The following RNF128 variants were observed in gnomAD, a reference collection of about 807,000 sequenced individuals.
RNF128 encodes the protein ring finger protein 128, also known as E3 ubiquitin-protein ligase RNF128.
A neutral mutation model predicts 26.2 loss-of-function variants in RNF128; 13 were observed. That is an observed-to-expected ratio of 0.50 (90% CI 0.32 to 0.79). RNF128 has a LOEUF of 0.79. RNF128 is among the 30% of genes least tolerant of loss of function. The pLI, the probability that RNF128 is intolerant of heterozygous loss-of-function variation, is 0.03. For missense variants in RNF128, 315 were observed against 349.7 expected (o/e 0.90, Z 0.79); for synonymous variants, 149 against 142.5 (o/e 1.05, Z -0.32).
chrX:106,732,232 C>T (rs1217765819), intron 1 of RNF128, among the ~76,000 whole-genome samples: 2 of 111,713 alleles, frequency 1.8e-5, no homozygotes, highest in Non-Finnish European at 3.8e-5. Flanking sequence ...CTTTCTTTTC[C>T]TCTTCCCAGC....
intron 4 of RNF128, 43 bp downstream of exon 4, chrX:106,788,043 C>G (rs1930688606): frequency 1.2e-6 from 1 of 803,137 alleles, no homozygotes; most frequent in South Asian, 3.3e-5. Context: ...AATAGCTGAC[C>G]CACAAAAATG....
At chrX:106,737,283 G>C (rs952815756) in intron 1 of RNF128, among the ~76,000 whole-genome samples, 4 of 110,060 alleles carry the variant, frequency 3.6e-5, no homozygotes, top group Non-Finnish European at 7.6e-5. Context: ...ATGCAGGTTA[G>C]TTACATATGT....
intron 2 of RNF128, among the ~76,000 whole-genome samples, chrX:106,774,507 A>G (rs1161214822): frequency 8.9e-6 from 1 of 112,192 alleles, no homozygotes; most frequent in East Asian, 2.8e-4. Context: ...TATTGCTCCC[A>G]TTTTCAAAAG....
chrX:106,733,669 G>A (rs1195576000), intron 1 of RNF128, among the ~76,000 whole-genome samples: 1 of 111,194 alleles, frequency 9.0e-6, no homozygotes, highest in Non-Finnish European at 1.9e-5. Flanking sequence ...ATCTGTTTTA[G>A]CATTGGGGGG....
At chrX:106,697,994 G>A (rs1321211985) in intron 1 of RNF128, among the ~76,000 whole-genome samples, 2 of 106,825 alleles carry the variant, frequency 1.9e-5, no homozygotes, top group African/African-American at 3.4e-5. Context: ...ATTTTGACTC[G>A]GCATTTTGAT....
At chrX:106,738,119 G>A (rs1323547973) in intron 1 of RNF128, among the ~76,000 whole-genome samples, 4 of 111,626 alleles carry the variant, frequency 3.6e-5, no homozygotes, top group Non-Finnish European at 7.5e-5. Flanking sequence ...ATTTGAAATT[G>A]GGGGACAGCA....
chrX:106,735,912 C>G (rs188831850), intron 1 of RNF128, among the ~76,000 whole-genome samples: 114 of 110,299 alleles, frequency 1.0e-3, no homozygotes, highest in African/African-American at 3.5e-3. Flanking sequence ...CTCCCCCCAA[C>G]ACACACACAC....
intron 1 of RNF128, among the ~76,000 whole-genome samples, chrX:106,746,259 A>G (rs1234208771): frequency 9.0e-6 from 1 of 111,099 alleles, no homozygotes; most frequent in Admixed American, 9.7e-5. Flanking sequence ...TAGTTGAAAG[A>G]GATACTAGAA....
chrX:106,766,172 A>G (rs1299067258), intron 1 of RNF128, among the ~76,000 whole-genome samples: 2 of 112,016 alleles, frequency 1.8e-5, no homozygotes, highest in Non-Finnish European at 3.8e-5. Flanking sequence ...GCCGAAATAA[A>G]CATACGTGTG....
At chrX:106,778,292 G>C (rs779042644) in intron 2 of RNF128, among the ~76,000 whole-genome samples, 1 of 111,679 alleles carries the variant, frequency 9.0e-6, no homozygotes. Context: ...ACTGACTACT[G>C]TACCAACTGA....
At chrX:106,735,781 T>C (rs1037004230) in intron 1 of RNF128, among the ~76,000 whole-genome samples, 1 of 111,595 alleles carries the variant, frequency 9.0e-6, no homozygotes, top group Non-Finnish European at 1.9e-5. Flanking sequence ...TACCTTTTAT[T>C]GTTAACACTG....
upstream of RNF128, chrX:106,726,616 G>A (rs1174114005): frequency 1.1e-6 from 1 of 918,616 alleles, no homozygotes; most frequent in African/African-American, 2.1e-5. Flanking sequence ...ATCCCGCAGT[G>A]TCCTTTCCTC....
At chrX:106,745,766 G>T (rs1398968283) in intron 1 of RNF128, among the ~76,000 whole-genome samples, 1 of 111,347 alleles carries the variant, frequency 9.0e-6, no homozygotes, top group Non-Finnish European at 1.9e-5. Context: ...CCAATCAAAA[G>T]GAAACAAAAA....
At chrX:106,747,271 G>A (rs994326095) in intron 1 of RNF128, among the ~76,000 whole-genome samples, 8 of 111,773 alleles carry the variant, frequency 7.2e-5, no homozygotes, top group African/African-American at 2.6e-4. Flanking sequence ...ACAAAGTACA[G>A]ATTTAGAAAG....
rs765763718 is a variant in RNF128 at position 106,741,641 on chromosome X, C to T, written c.484+14244C>T. Among the ~76,000 whole-genome samples, 28 of 111,861 alleles carry T rather than the reference C, an allele frequency of 2.5e-4. No homozygotes were observed. In the South Asian group the frequency reaches 6.4e-3, roughly 25 times the overall value. On this transcript the variant is annotated intron_variant, in intron 1 of 6. Transcript: ENST00000255499. ...ATGCCATCTTTATATAGAGAGAGGA[C>T]GCACACCTTAGACTGTTAACCACAG...
At chrX:106,790,592 A>C (rs1053763487) in intron 5 of RNF128, among the ~76,000 whole-genome samples, 1 of 110,998 alleles carries the variant, frequency 9.0e-6, no homozygotes, top group Non-Finnish European at 1.9e-5. Context: ...CCAAACTTGT[A>C]GTTAAATAAG....
At chrX:106,773,754 C>T (rs1309978767) in intron 2 of RNF128, among the ~76,000 whole-genome samples, 1 of 110,997 alleles carries the variant, frequency 9.0e-6, no homozygotes, top group Non-Finnish European at 1.9e-5. Flanking sequence ...GTACAAGGTA[C>T]ACAAACAACA....
chrX:106,792,300 T>A (rs1930841376), intron 6 of RNF128, among the ~76,000 whole-genome samples: 1 of 108,744 alleles, frequency 9.2e-6, no homozygotes, highest in African/African-American at 3.3e-5. Flanking sequence ...TACGAGATAA[T>A]TTATTGCTAG....
chrX:106,696,333 G>C (rs1928872882), intron 1 of RNF128, among the ~76,000 whole-genome samples: 1 of 111,092 alleles, frequency 9.0e-6, no homozygotes, highest in Non-Finnish European at 1.9e-5. Context: ...CTGCCAAATA[G>C]TGTGCCATTG....
Sources: gnomAD v4.1 joint callset for allele counts (sites outside exome capture counted in the v4.1 genomes callset) on GRCh38, gnomAD v4.1.1 for gene constraint, MANE v1.5 for transcripts, NCBI Gene and HGNC (gene_info 2026-07-23, HGNC 2026-07-21) for gene names.